The following ALDH1A2 variants were observed in gnomAD, a reference collection of about 807,000 sequenced individuals.
ALDH1A2 encodes the protein aldehyde dehydrogenase 1 family member A2, also known as retinal dehydrogenase 2.
In ALDH1A2, 27 loss-of-function variants were observed where a neutral mutation model predicts 60.3. The observed-to-expected ratio is 0.45, with a 90% CI of 0.33 to 0.62. The LOEUF (loss-of-function observed/expected upper bound fraction) is 0.62. Ranked by LOEUF, ALDH1A2 falls within the 20% of genes least tolerant of loss-of-function variation. ALDH1A2 has a pLI of 0.02. For missense variants in ALDH1A2, 581 were observed against 643.8 expected, an observed-to-expected ratio of 0.90 and a Z score of 1.06; for synonymous variants, 289 against 232.4, an observed-to-expected ratio of 1.24 and a Z score of -2.21.
chr15:58,058,222 T>G (rs931850246), intron 1 of ALDH1A2: 24 of 628,184 alleles, frequency 3.8e-5, no homozygotes, highest in Middle Eastern at 2.5e-4. Context: ...CGTGCCACTA[T>G]CACACACATC....
rs1336524684 is a variant in ALDH1A2, at chr15:58,013,778, TA to T, written c.363+79del. The T allele has an allele frequency of 3.3e-6, 5 of 1,533,140 alleles. No homozygotes were observed. The East Asian group carries it at 1.1e-4, about 35-fold the overall frequency. The allele number at this position is 1,533,140 out of a possible 1,614,324, so 95.0% of individuals were successfully genotyped here. A position where few individuals can be genotyped will look rare whatever the true frequency, so the allele number is the denominator to read the frequency against. ...AAAAATAAAATAAATAAAAATAAAA[TA>T]AAATACAGCCGAAGAATGTAAATTT... is the stretch of plus-strand genomic sequence containing the variant. On this transcript the variant is annotated intron_variant, in intron 3 of 12. Transcript: ENST00000249750.
chr15:58,036,527 C>A (rs1896382317), intron 1 of ALDH1A2: 1 of 151,544 alleles, frequency 6.6e-6, no homozygotes, highest in African/African-American at 2.4e-5. Context: ...CCTCCCACAT[C>A]CTCCCGTCAA....
At chr15:57,965,469 A>G (rs1294000593) in intron 8 of ALDH1A2, among the ~76,000 whole-genome samples, 1 of 152,210 alleles carries the variant, frequency 6.6e-6, no homozygotes, top group Non-Finnish European at 1.5e-5. Context: ...CCACTGACCA[A>G]GCCTTCATCT....
chr15:57,969,595 T>C (rs1174657945), intron 7 of ALDH1A2, among the ~76,000 whole-genome samples: 1 of 152,138 alleles, frequency 6.6e-6, no homozygotes, highest in Non-Finnish European at 1.5e-5. Context: ...GGTGCACACG[T>C]TTTCCAAGTG....
In ALDH1A2 at chr15:58,001,316, G is replaced by T. The variant is rs1383277353; in HGVS notation, c.494-6177C>A. ...CTTGTGAGGAAGGTGTTGGATTTAG[G>T]TGGATAATCACAAATCACAGAATTA... On this transcript the variant is annotated intron_variant, in intron 4 of 12. Coordinates refer to ENST00000249750, the MANE Select transcript of ALDH1A2 (RefSeq NM_003888.4). Among the ~76,000 whole-genome samples, 3 of 151,866 alleles carry T rather than the reference G, an allele frequency of 2.0e-5. No individual in the cohort carries two copies. The East Asian group carries it at 5.8e-4, about 29-fold the overall frequency.
chr15:57,991,419 A>C (rs1566940665), intron 7 of ALDH1A2: 1 of 152,170 alleles, frequency 6.6e-6, no homozygotes, highest in Non-Finnish European at 1.5e-5. Flanking sequence ...ATCTAACTGA[A>C]TTAATATTCA....
chr15:58,006,555 T>C (rs1289227533), intron 4 of ALDH1A2, among the ~76,000 whole-genome samples: 1 of 151,968 alleles, frequency 6.6e-6, no homozygotes, highest in African/African-American at 2.4e-5. Flanking sequence ...CTGGACCAAA[T>C]GGTAGTGCCA....
At chr15:57,955,357 A>C in intron 12 of ALDH1A2, 88 bp from the exon 13 acceptor site, 3 of 1,354,152 alleles carry the variant, frequency 2.2e-6, no homozygotes, top group Non-Finnish European at 3.2e-6. Context: ...GGTGCAGTTT[A>C]TCACCTGCGA....
intron 1 of ALDH1A2, among the ~76,000 whole-genome samples, chr15:58,048,714 A>G (rs541030019): frequency 6.6e-6 from 1 of 152,170 alleles, no homozygotes; most frequent in East Asian, 1.9e-4. Context: ...CAACAGATCT[A>G]AAATGTCCAA....
chr15:58,032,613 G>A (rs1477748600), intron 1 of ALDH1A2, among the ~76,000 whole-genome samples: 7 of 152,056 alleles, frequency 4.6e-5, no homozygotes, highest in Non-Finnish European at 8.8e-5. Flanking sequence ...GGAAAACAGT[G>A]TATGTGGATT....
intron 12 of ALDH1A2, among the ~76,000 whole-genome samples, chr15:57,957,824 T>TTTTAC (rs1893579511): frequency 6.6e-6 from 1 of 152,194 alleles, no homozygotes; most frequent in Admixed American, 6.5e-5. Context: ...TTTCCTGCTC[T>TTTTAC]TTTACTTGAC....
intron 7 of ALDH1A2, among the ~76,000 whole-genome samples, chr15:57,986,857 G>A (rs920520766): frequency 4.6e-5 from 7 of 151,964 alleles, no homozygotes; most frequent in African/African-American, 9.7e-5. Context: ...GTTTCACTAT[G>A]TTGGCCGGGT....
At chr15:57,961,037 G>A in intron 11 of ALDH1A2, 100 bp downstream of exon 11, 1 of 1,518,366 alleles carries the variant, frequency 6.6e-7, no homozygotes, top group South Asian at 1.1e-5. Context: ...AACTTTGGTT[G>A]CTTTTGGTAT....
At chr15:58,035,456 ATT>A (rs71441493) in intron 1 of ALDH1A2, among the ~76,000 whole-genome samples, 60,771 of 150,844 alleles carry the variant, frequency 0.4, 13,153 homozygotes, top group Non-Finnish European at 0.5. Flanking sequence ...CTGTGCTATA[ATT>A]TTTGTTATTT....
chr15:57,961,867 G>T, intron 10 of ALDH1A2, 145 bp downstream of exon 10: 2 of 1,178,464 alleles, frequency 1.7e-6, no homozygotes. Flanking sequence ...CTTGAAACTG[G>T]AATTTTCATA....
chr15:57,983,397 T>C (rs544056612), intron 7 of ALDH1A2, among the ~76,000 whole-genome samples: 1 of 152,294 alleles, frequency 6.6e-6, no homozygotes, highest in South Asian at 2.1e-4. Flanking sequence ...GTATTTTGGT[T>C]CCCATAAAAC....
At chr15:58,039,681 A>G (rs34132275) in intron 1 of ALDH1A2, among the ~76,000 whole-genome samples, 1 of 151,912 alleles carries the variant, frequency 6.6e-6, no homozygotes, top group African/African-American at 2.4e-5. Context: ...ATTTTTGTGA[A>G]GAGAGGAAAG....
chr15:58,028,054 C>G (rs1317745684), intron 1 of ALDH1A2, among the ~76,000 whole-genome samples: 6 of 152,258 alleles, frequency 3.9e-5, no homozygotes, highest in Admixed American at 3.9e-4. Flanking sequence ...GAGACCACCA[C>G]AAAGATATTC....
chr15:57,992,853 G>A (rs370214383), intron 6 of ALDH1A2, 35 bp from the exon 7 acceptor site: 1 of 1,613,788 alleles, frequency 6.2e-7, no homozygotes, highest in African/African-American at 1.3e-5. Context: ...CGTGGCTGAT[G>A]AAAGCTGATG....
Sources: gnomAD v4.1 joint callset for allele counts (sites outside exome capture counted in the v4.1 genomes callset) on GRCh38, gnomAD v4.1.1 for gene constraint, MANE v1.5 for transcripts, NCBI Gene and HGNC (gene_info 2026-07-23, HGNC 2026-07-21) for gene names.